Variants in SPAG16 observed in about 807,000 individuals in gnomAD.
The protein encoded by SPAG16 is sperm-associated antigen 16 protein.
A neutral mutation model predicts 80.4 loss-of-function variants in SPAG16; 86 were observed. That is an observed-to-expected ratio of 1.07 (90% CI 0.90 to 1.28). The LOEUF is 1.28. Ranked by LOEUF, SPAG16 falls within the 50% of genes most tolerant of loss-of-function variation. The probability of loss-of-function intolerance (pLI) is 0.00; values close to 1 mark genes in which losing one functional copy is unlikely to be tolerated. For missense variants in SPAG16, 870 were observed against 765.3 expected (o/e 1.14, Z -1.61); for synonymous variants, 294 against 265.9 (o/e 1.11, Z -1.03).
At chr2:214,283,797 G>T (rs906734235) in intron 15 of SPAG16, among the ~76,000 whole-genome samples, 1 of 152,124 alleles carries the variant, frequency 6.6e-6, no homozygotes, top group Non-Finnish European at 1.5e-5. Context: ...AAGATATTCA[G>T]CCAATTCCTT....
intron 15 of SPAG16, among the ~76,000 whole-genome samples, chr2:214,208,412 T>C (rs1306668919): frequency 1.3e-5 from 2 of 152,160 alleles, no homozygotes; most frequent in African/African-American, 2.4e-5. Flanking sequence ...CTTCTAGTAG[T>C]ATGGAGAATA....
At chr2:213,453,051 C>T (rs929405088) in intron 9 of SPAG16, among the ~76,000 whole-genome samples, 1 of 152,208 alleles carries the variant, frequency 6.6e-6, no homozygotes, top group Non-Finnish European at 1.5e-5. Context: ...AGTTTTTCCT[C>T]TGTTCACTCT....
intron 7 of SPAG16, among the ~76,000 whole-genome samples, chr2:213,355,570 C>G (rs1159589664): frequency 1.3e-5 from 2 of 152,042 alleles, no homozygotes; most frequent in Non-Finnish European, 2.9e-5. Flanking sequence ...TCCTTGAAGA[C>G]GTCCTTTACA....
At position 213,863,454 on chromosome 2, in the gene SPAG16, A is replaced by G. The variant is rs543899812; in HGVS notation, c.1214+826A>G. 3.3e-4 allele frequency among the ~76,000 whole-genome samples: 50 copies of G among 152,246 alleles called. 1 individual carries two copies. In the South Asian group the frequency reaches 4.3e-3, roughly 13 times the overall value. ...TTGCTATGAATGTCTATGAAATTAGATAAAAAAATTTTATTTAAATTTAGA... is the reference window on the plus strand; with the variant it reads ...TTGCTATGAATGTCTATGAAATTAGGTAAAAAAATTTTATTTAAATTTAGA... On this transcript the variant is annotated intron_variant, in intron 11 of 15. Coordinates refer to ENST00000331683, the MANE Select transcript of SPAG16 (RefSeq NM_024532.5).
intron 9 of SPAG16, among the ~76,000 whole-genome samples, chr2:213,436,675 A>ATTCACT (rs138129307): frequency 0.023 from 3,533 of 152,232 alleles, 58 homozygotes; most frequent in African/African-American, 0.038. Flanking sequence ...AATTATATGA[A>ATTCACT]TTCACTTTCT....
chr2:213,659,119 G>A (rs964717288), intron 10 of SPAG16, among the ~76,000 whole-genome samples: 2 of 152,158 alleles, frequency 1.3e-5, no homozygotes, highest in African/African-American at 2.4e-5. Flanking sequence ...GCATTATTGT[G>A]TATTCTTCAA....
rs551363633 is a variant in SPAG16 at position 214,215,563 on chromosome 2, C to T, written c.1720+66297C>T. ...CACAGACTTTCAAATAAAGTCTCTC[C>T]TTACTAAGTCTGAACTTGCTTTTTA... On this transcript the variant is annotated intron_variant, in intron 15 of 15. Transcript: ENST00000331683. Among the ~76,000 whole-genome samples, 26 of 152,308 alleles carry T rather than the reference C, an allele frequency of 1.7e-4. No homozygotes were observed. The South Asian group carries it at 5.2e-3, about 30-fold the overall frequency.
intron 13 of SPAG16, among the ~76,000 whole-genome samples, chr2:214,022,900 C>T (rs1375106741): frequency 6.6e-6 from 1 of 151,932 alleles, no homozygotes; most frequent in African/African-American, 2.4e-5. Context: ...TTTTGTTTCT[C>T]CAAGTTATTG....
At chr2:213,857,244 A>G (rs2075215525) in intron 10 of SPAG16, among the ~76,000 whole-genome samples, 1 of 152,188 alleles carries the variant, frequency 6.6e-6, no homozygotes, top group African/African-American at 2.4e-5. Flanking sequence ...AAAATTATTC[A>G]GCATAAACAG....
At chr2:213,907,610 A>G (rs2077483335) in intron 11 of SPAG16, among the ~76,000 whole-genome samples, 1 of 152,184 alleles carries the variant, frequency 6.6e-6, no homozygotes, top group Non-Finnish European at 1.5e-5. Context: ...ACTATTCACA[A>G]TAAATCAACC....
intron 9 of SPAG16, among the ~76,000 whole-genome samples, chr2:213,484,680 T>G (rs887368807): frequency 3.3e-5 from 5 of 152,178 alleles, no homozygotes; most frequent in African/African-American, 4.8e-5. Context: ...AAAAATTAAT[T>G]TAAATGGTCA....
At position 213,943,624 on chromosome 2, in the gene SPAG16, TG is replaced by T. The variant is rs2079310201; in HGVS notation, c.1400+13480del. ...TGGATATTTAGCTAAAAAAAATTTC[TG>T]TGTATAGTTTTAAAGGATCAGCTTG... is the stretch of plus-strand genomic sequence containing the variant. On this transcript the variant is annotated intron_variant, in intron 12 of 15. Coordinates refer to ENST00000331683, the MANE Select transcript of SPAG16 (RefSeq NM_024532.5). 3.9e-5 allele frequency among the ~76,000 whole-genome samples: 6 copies of T among 152,342 alleles called. 1 individual carries two copies. The South Asian group carries it at 1.2e-3, about 32-fold the overall frequency.
chr2:213,952,205 A>G (rs2079823216), intron 12 of SPAG16, among the ~76,000 whole-genome samples: 1 of 152,092 alleles, frequency 6.6e-6, no homozygotes, highest in South Asian at 2.1e-4. Context: ...TGAAGAGTGT[A>G]ACTGATACTG....
At chr2:213,782,857 A>G (rs191652069) in intron 10 of SPAG16, among the ~76,000 whole-genome samples, 3 of 152,294 alleles carry the variant, frequency 2.0e-5, no homozygotes, top group Middle Eastern at 3.4e-3. Context: ...ATTTTTCTCA[A>G]GCAAACTTTC....
At chr2:214,390,265 G>C (rs1401765788) in intron 15 of SPAG16, among the ~76,000 whole-genome samples, 1 of 150,066 alleles carries the variant, frequency 6.7e-6, no homozygotes. Flanking sequence ...TGTATGCATG[G>C]TCAGTGGTAG....
chr2:213,734,411 A>G (rs2067194862), intron 10 of SPAG16, among the ~76,000 whole-genome samples: 1 of 152,242 alleles, frequency 6.6e-6, no homozygotes, highest in Non-Finnish European at 1.5e-5. Flanking sequence ...TCACTATAAA[A>G]AATAAAGATA....
intron 9 of SPAG16, among the ~76,000 whole-genome samples, chr2:213,384,123 G>A (rs1559477974): frequency 6.6e-6 from 1 of 152,130 alleles, no homozygotes. Flanking sequence ...AACTAGACTA[G>A]GGAATTATAT....
At chr2:214,289,277 T>C (rs575116096) in intron 15 of SPAG16, among the ~76,000 whole-genome samples, 16 of 152,346 alleles carry the variant, frequency 1.1e-4, no homozygotes, top group African/African-American at 3.4e-4. Context: ...TATAGTTCTC[T>C]GCGCTTTTGG....
At chr2:213,777,438 G>C (rs1057344694) in intron 10 of SPAG16, among the ~76,000 whole-genome samples, 3 of 149,898 alleles carry the variant, frequency 2.0e-5, no homozygotes, top group African/African-American at 7.3e-5. Flanking sequence ...ATGGAGTCTC[G>C]CTCTGTCTCC....
Sources: gnomAD v4.1 joint callset for allele counts (sites outside exome capture counted in the v4.1 genomes callset) on GRCh38, gnomAD v4.1.1 for gene constraint, MANE v1.5 for transcripts, NCBI Gene and HGNC (gene_info 2026-07-23, HGNC 2026-07-21) for gene names.